The following MCPH1 variants were observed in gnomAD, a reference collection of about 807,000 sequenced individuals.
The protein encoded by MCPH1 is microcephalin.
MCPH1 carries 104 observed loss-of-function variants against 84.5 expected under a neutral mutation model. That is an observed-to-expected ratio of 1.23 (90% CI 1.05 to 1.45). The LOEUF (loss-of-function observed/expected upper bound fraction) is 1.45, where lower values mean the gene tolerates loss of function less well. MCPH1 is among the 40% of genes most tolerant of loss of function. MCPH1 has a pLI of 0.00. For synonymous variants in MCPH1, 514 were observed against 366.8 expected (o/e 1.40, Z -4.58); for missense variants, 1,498 against 1,005.7 (o/e 1.49, Z -6.62).
intron 12 of MCPH1, among the ~76,000 whole-genome samples, chr8:6,601,711 C>G (rs1214728168): frequency 2.1e-5 from 3 of 143,368 alleles, no homozygotes; most frequent in South Asian, 2.1e-4. Context: ...ACAACACACA[C>G]CACACACACA....
At chr8:6,636,029 T>A (rs1357504593) in intron 13 of MCPH1, among the ~76,000 whole-genome samples, 2 of 152,182 alleles carry the variant, frequency 1.3e-5, no homozygotes, top group Non-Finnish European at 2.9e-5. Flanking sequence ...AATGACTGCT[T>A]GGTAGTAGCA....
At chr8:6,575,164 G>A (rs1826967511) in intron 12 of MCPH1, among the ~76,000 whole-genome samples, 1 of 152,188 alleles carries the variant, frequency 6.6e-6, no homozygotes, top group South Asian at 2.1e-4. Context: ...GAGCTCAAGA[G>A]AGCCACCTGG....
intron 11 of MCPH1, among the ~76,000 whole-genome samples, chr8:6,488,942 A>G (rs929543859): frequency 6.6e-6 from 1 of 152,068 alleles, no homozygotes; most frequent in Non-Finnish European, 1.5e-5. Flanking sequence ...AGGAAGATCT[A>G]GTGGAATCTG....
intron 12 of MCPH1, among the ~76,000 whole-genome samples, chr8:6,609,222 G>C (rs1455448676): frequency 2.6e-5 from 4 of 152,132 alleles, no homozygotes; most frequent in Non-Finnish European, 5.9e-5. Flanking sequence ...AGCAACCAAG[G>C]CATCTCGGCA....
Position 6,643,525 on chromosome 8 carries a change from G to C in MCPH1, c.*476G>C, listed in dbSNP as rs1798065730. ...GGTGATCTGTCAGGCCTCTTCTATAGAATTCCAGTCTTTGTGTCTTAGTCA... is the reference window on the plus strand; with the variant it reads ...GGTGATCTGTCAGGCCTCTTCTATACAATTCCAGTCTTTGTGTCTTAGTCA... On this transcript the variant is annotated 3_prime_UTR_variant, in exon 14 of 14. Transcript: ENST00000344683. 5.4e-6 allele frequency: 1 copy of C among 185,474 alleles called. No individual in the cohort carries two copies. Among genetic ancestry groups the C allele is most frequent in the Non-Finnish European group, 1.1e-5 (1 of 87,460 alleles). The allele number at this position is 185,474 out of a possible 1,614,324, so 11.5% of individuals were successfully genotyped here. A position where few individuals can be genotyped will look rare whatever the true frequency, so the allele number is the denominator to read the frequency against.
chr8:6,520,087 T>A, intron 12 of MCPH1: 1 of 1,436,276 alleles, frequency 7.0e-7, no homozygotes, highest in Non-Finnish European at 9.4e-7. Context: ...TTTTATTACT[T>A]TGGAATTCTT....
intron 3 of MCPH1, among the ~76,000 whole-genome samples, chr8:6,420,073 G>C (rs529015297): frequency 4.0e-4 from 60 of 151,638 alleles, no homozygotes; most frequent in Non-Finnish European, 6.9e-4. Context: ...GGAGGGGCTC[G>C]TGTATCTCGT....
At chr8:6,415,479 G>T (rs1293792919) in intron 3 of MCPH1, among the ~76,000 whole-genome samples, 1 of 151,812 alleles carries the variant, frequency 6.6e-6, no homozygotes, top group Admixed American at 6.6e-5. Flanking sequence ...TCTGCCTCCC[G>T]AGTAGCTGGG....
At chr8:6,610,376 G>T (rs575952252) in intron 12 of MCPH1, among the ~76,000 whole-genome samples, 1 of 152,194 alleles carries the variant, frequency 6.6e-6, no homozygotes, top group Non-Finnish European at 1.5e-5. Flanking sequence ...CATGTTGTTG[G>T]CTACTGATTA....
At chr8:6,474,727 A>G (rs1808213256) in intron 9 of MCPH1, among the ~76,000 whole-genome samples, 1 of 152,206 alleles carries the variant, frequency 6.6e-6, no homozygotes, top group African/African-American at 2.4e-5. Flanking sequence ...GGCTGGGCAC[A>G]GTGGCTCATG....
chr8:6,643,277 T>C lies in MCPH1; in HGVS notation c.*228T>C, dbSNP rs1483980882. On this transcript the variant is annotated 3_prime_UTR_variant, in exon 14 of 14. Coordinates refer to ENST00000344683, the MANE Select transcript of MCPH1 (RefSeq NM_024596.5). ...CTTTTTATTTTTATTTTATTTTTTA[T>C]TTTTTGAGACGGAGTCCTGCCCTGT... 1.8e-6 allele frequency: 1 copy of C among 553,522 alleles called. No individual in the cohort carries two copies. The highest frequency in any genetic ancestry group is 3.2e-6 in the Non-Finnish European group (1 of 312,066). The allele number at this position is 553,522 out of a possible 1,614,324, so 34.3% of individuals were successfully genotyped here. A position where few individuals can be genotyped will look rare whatever the true frequency, so the allele number is the denominator to read the frequency against.
At chr8:6,628,097 T>A (rs1466352274) in intron 13 of MCPH1, among the ~76,000 whole-genome samples, 1 of 152,170 alleles carries the variant, frequency 6.6e-6, no homozygotes, top group Non-Finnish European at 1.5e-5. Context: ...CTTCCTAACC[T>A]GTTGGGTCCC....
intron 12 of MCPH1, among the ~76,000 whole-genome samples, chr8:6,543,565 A>G (rs79338102): frequency 0.031 from 4,657 of 152,272 alleles, 246 homozygotes; most frequent in East Asian, 0.22. Flanking sequence ...GCGCTGTCGT[A>G]TAAGGCCAGG....
At chr8:6,598,397 G>A (rs1157860392) in intron 12 of MCPH1, among the ~76,000 whole-genome samples, 3 of 152,264 alleles carry the variant, frequency 2.0e-5, no homozygotes, top group Non-Finnish European at 2.9e-5. Flanking sequence ...AGACAGAGCC[G>A]GCGACCGGCC....
At chr8:6,483,954 T>C (rs1413004594) in intron 11 of MCPH1, among the ~76,000 whole-genome samples, 1 of 152,110 alleles carries the variant, frequency 6.6e-6, no homozygotes, top group East Asian at 1.9e-4. Flanking sequence ...AAATGGATCA[T>C]AGACAAAATT....
chr8:6,594,091 G>C (rs1241767681), intron 12 of MCPH1, among the ~76,000 whole-genome samples: 1 of 152,206 alleles, frequency 6.6e-6, no homozygotes, highest in African/African-American at 2.4e-5. Context: ...TGGCTGTCCA[G>C]GCAAGGCTGC....
At position 6,444,718 on chromosome 8, in the gene MCPH1, G is replaced by T. The variant is rs765618996; in HGVS notation, c.996G>T (p.Leu332Phe). 1 of 1,614,082 alleles carries T rather than the reference G, an allele frequency of 6.2e-7. No individual in the cohort carries two copies. Among genetic ancestry groups the T allele is most frequent in the Non-Finnish European group, 8.5e-7 (1 of 1,180,010 alleles). Reference sequence around the variant, plus strand: ...AGACGTTTGAAGAGAAGTATCGTTTGTCTCCTACCTTATCTTCAACAAAAG... The same window carrying T: ...AGACGTTTGAAGAGAAGTATCGTTTTTCTCCTACCTTATCTTCAACAAAAG... ...SQETFEEKYR[L>F]SPTLSSTKGH... Residue 332 changes from leucine to phenylalanine, a missense_variant, in exon 8 of 14, where the codon TTG becomes TTT. Leu to Phe is a conservative substitution (Grantham distance 22, BLOSUM62 0). Coordinates refer to ENST00000344683, the MANE Select transcript of MCPH1 (RefSeq NM_024596.5).
In MCPH1 at chr8:6,643,520, C is replaced by CCTG; in HGVS notation, c.*471_*472insCTG. 5.3e-6 allele frequency: 1 copy of CCTG among 188,486 alleles called. No individual in the cohort carries two copies. The highest frequency in any genetic ancestry group is 1.1e-5 in the Non-Finnish European group (1 of 89,446). 11.7% of individuals were successfully genotyped at this position (188,486 alleles called of 1,614,324 possible). The stretch of plus-strand genomic sequence containing the variant: ...GCTCAGGTGATCTGTCAGGCCTCTT[C>CCTG]TATAGAATTCCAGTCTTTGTGTCTT... On this transcript the variant is annotated 3_prime_UTR_variant, in exon 14 of 14. Coordinates refer to ENST00000344683, the MANE Select transcript of MCPH1 (RefSeq NM_024596.5).
At chr8:6,587,177 C>T (rs998997306) in intron 12 of MCPH1, among the ~76,000 whole-genome samples, 3 of 151,958 alleles carry the variant, frequency 2.0e-5, no homozygotes, top group Non-Finnish European at 4.4e-5. Flanking sequence ...TGTCTGATGC[C>T]GCTTTTATAA....
Sources: allele counts gnomAD v4.1 joint callset (sites outside exome capture counted in the v4.1 genomes callset), GRCh38; gene constraint gnomAD v4.1.1; transcripts MANE v1.5; gene names NCBI Gene and HGNC (gene_info 2026-07-23, HGNC 2026-07-21).